Variants in SPATC1L observed in about 807,000 individuals in gnomAD.
SPATC1L encodes spermatogenesis and centriole associated 1 like, also known as speriolin-like protein.
In SPATC1L, 20 loss-of-function variants were observed where a neutral mutation model predicts 21.2. That is an observed-to-expected ratio of 0.94 (90% CI 0.66 to 1.37). The LOEUF is 1.37. Ranked by LOEUF, SPATC1L falls within the 40% of genes most tolerant of loss-of-function variation. The pLI is 0.00. For missense variants in SPATC1L, 499 were observed against 478.7 expected (o/e 1.04, Z -0.40); for synonymous variants, 290 against 234.5 (o/e 1.24, Z -2.16).
At chr21:46,180,002 CA>C (rs1303855040) in intron 2 of SPATC1L, among the ~76,000 whole-genome samples, 1 of 152,270 alleles carries the variant, frequency 6.6e-6, no homozygotes, top group Non-Finnish European at 1.5e-5. Flanking sequence ...AGGGACCGTT[CA>C]GAGAGCGTTT....
chr21:46,168,781 T>A, intron 2 of SPATC1L, 123 bp from the exon 3 acceptor site: 2 of 547,138 alleles, frequency 3.7e-6, no homozygotes, highest in Non-Finnish European at 2.8e-6. Flanking sequence ...CTGCCGGGGT[T>A]TCCCTGGCTT....
intron 3 of SPATC1L, among the ~76,000 whole-genome samples, chr21:46,167,055 T>C (rs953103137): frequency 6.6e-5 from 10 of 152,092 alleles, no homozygotes; most frequent in African/African-American, 2.4e-4. Context: ...ATCAAAAAAA[T>C]TGAAATTATA....
At chr21:46,175,753 G>C (rs930922823) in intron 2 of SPATC1L, among the ~76,000 whole-genome samples, 3 of 152,078 alleles carry the variant, frequency 2.0e-5, no homozygotes, top group Non-Finnish European at 2.9e-5. Flanking sequence ...TACCATTCCT[G>C]GTGAAACTAT....
intron 2 of SPATC1L, among the ~76,000 whole-genome samples, chr21:46,179,613 G>A (rs2079657151): frequency 6.6e-6 from 1 of 152,194 alleles, no homozygotes. Context: ...TCAGACGGAA[G>A]GAGTGACCAG....
intron 2 of SPATC1L, among the ~76,000 whole-genome samples, chr21:46,172,305 G>A (rs1411031966): frequency 6.6e-6 from 1 of 152,206 alleles, no homozygotes; most frequent in Non-Finnish European, 1.5e-5. Context: ...ACGAGGCGGT[G>A]GGGTGGAGAG....
intron 2 of SPATC1L, among the ~76,000 whole-genome samples, chr21:46,171,608 A>T (rs1467756016): frequency 6.6e-6 from 1 of 152,210 alleles, no homozygotes; most frequent in Non-Finnish European, 1.5e-5. Flanking sequence ...TTTTCAAATT[A>T]TAAAAGAATA....
Position 46,183,448 on chromosome 21 carries a change from G to A in SPATC1L, c.-632C>T, listed in dbSNP as rs538340113. ...CAGCCTGGTGGGGAGACCAGCTTGT[G>A]GGGGAGACCAGTCTGCGGGGGAGAC... On this transcript the variant is annotated 5_prime_UTR_variant, in exon 2 of 5. Transcript: ENST00000291672. 5.7e-6 allele frequency: 1 copy of A among 174,192 alleles called. No individual in the cohort carries two copies. The highest frequency in any genetic ancestry group is 6.5e-5 in the Admixed American group (1 of 15,310). 10.8% of individuals were successfully genotyped at this position (174,192 alleles called of 1,614,324 possible).
intron 2 of SPATC1L, among the ~76,000 whole-genome samples, chr21:46,178,037 C>A (rs904677749): frequency 6.6e-6 from 1 of 151,976 alleles, no homozygotes; most frequent in African/African-American, 2.4e-5. Flanking sequence ...AGTTCGAGAC[C>A]AGCCTGACCA....
At chr21:46,168,280 C>A (rs771347659) in intron 3 of SPATC1L, 28 bp downstream of exon 3, 2 of 1,517,294 alleles carry the variant, frequency 1.3e-6, no homozygotes, top group Admixed American at 1.9e-5. Flanking sequence ...CTGGGGGCCC[C>A]CCCAGGTGCC....
At chr21:46,165,079 A>G (rs571731089) in intron 3 of SPATC1L, among the ~76,000 whole-genome samples, 93 of 152,330 alleles carry the variant, frequency 6.1e-4, no homozygotes, top group African/African-American at 2.0e-3. Flanking sequence ...CTACAGACAT[A>G]AAAAGGATAA....
At chr21:46,178,232 C>CAAAAAAAA (rs59110880) in intron 2 of SPATC1L, among the ~76,000 whole-genome samples, 1 of 39,448 alleles carries the variant, frequency 2.5e-5, no homozygotes, top group African/African-American at 1.1e-4. Flanking sequence ...AACTCCATCT[C>CAAAAAAAA]AAAAAAAAAA....
Position 46,161,298 on chromosome 21 carries a change from G to T in SPATC1L, c.*81C>A. On this transcript the variant is annotated 3_prime_UTR_variant, in exon 5 of 5. Coordinates refer to ENST00000291672, the MANE Select transcript of SPATC1L (RefSeq NM_001142854.2). ...CGGGGGACGCGGCCCTTTCCCCTCC[G>T]GGGGGACGCGCAGGAGGCACCGCGG... The T allele has an allele frequency of 6.8e-6, 9 of 1,314,474 alleles. No homozygotes were observed. The highest frequency in any genetic ancestry group is 2.7e-5 in the East Asian group (1 of 37,014). 81.4% of individuals were successfully genotyped at this position (1,314,474 alleles called of 1,614,324 possible).
In SPATC1L at chr21:46,179,809, G is replaced by C. The variant is rs143958614; in HGVS notation, c.193+2815C>G. 3.1e-3 allele frequency among the ~76,000 whole-genome samples: 476 copies of C among 152,366 alleles called. 31 individuals are homozygous for C. In the South Asian group the frequency reaches 0.087, roughly 28 times the overall value. ...ACCAGGACAATCCCGAGGGAGACGAGATGGGGCAGCTGGGAGGGGAGGCAG... is the reference window on the plus strand; with the variant it reads ...ACCAGGACAATCCCGAGGGAGACGACATGGGGCAGCTGGGAGGGGAGGCAG... On this transcript the variant is annotated intron_variant, in intron 2 of 4. Coordinates refer to ENST00000291672, the MANE Select transcript of SPATC1L (RefSeq NM_001142854.2).
Position 46,161,237 on chromosome 21 carries a change from C to T in SPATC1L, c.*142G>A, listed in dbSNP as rs932613126. On this transcript the variant is annotated 3_prime_UTR_variant, in exon 5 of 5. Coordinates refer to ENST00000291672, the MANE Select transcript of SPATC1L (RefSeq NM_001142854.2). ...GCGGCGGGCTGCGGTCGGGGCCCAG[C>T]ACCGGTGGGAGCGGGGCCTTCTCTG... is the stretch of plus-strand genomic sequence containing the variant. 6.9e-6 allele frequency: 5 copies of T among 727,264 alleles called. No individual in the cohort carries two copies. The Admixed American group carries it at 1.2e-4, about 17-fold the overall frequency. 45.1% of individuals were successfully genotyped at this position (727,264 alleles called of 1,614,324 possible).
intron 2 of SPATC1L, among the ~76,000 whole-genome samples, chr21:46,172,689 T>C (rs914147913): frequency 6.6e-6 from 1 of 152,104 alleles, no homozygotes; most frequent in African/African-American, 2.4e-5. Flanking sequence ...TTCATGTGGA[T>C]TGGAAGGGCG....
chr21:46,180,616 C>T (rs2079665130), intron 2 of SPATC1L, among the ~76,000 whole-genome samples: 1 of 152,232 alleles, frequency 6.6e-6, no homozygotes, highest in Non-Finnish European at 1.5e-5. Flanking sequence ...CTGGTCTTCC[C>T]AACCCCAGTT....
chr21:46,182,504 G>T, intron 2 of SPATC1L, 120 bp downstream of exon 2: 1 of 900,538 alleles, frequency 1.1e-6, no homozygotes, highest in Non-Finnish European at 1.6e-6. Context: ...AGACCTGAGG[G>T]TGTGAAAGGT....
chr21:46,174,794 C>T (rs543200349), intron 2 of SPATC1L, among the ~76,000 whole-genome samples: 2 of 152,324 alleles, frequency 1.3e-5, no homozygotes, highest in South Asian at 2.1e-4. Flanking sequence ...ATGAACTCAG[C>T]ACCGGATCAA....
chr21:46,173,857 C>T (rs1311270461), intron 2 of SPATC1L, among the ~76,000 whole-genome samples: 1 of 152,178 alleles, frequency 6.6e-6, no homozygotes, highest in African/African-American at 2.4e-5. Context: ...CTCAGCCCCC[C>T]AGTGCAGTGG....
Sources: allele counts gnomAD v4.1 joint callset (sites outside exome capture counted in the v4.1 genomes callset), GRCh38; gene constraint gnomAD v4.1.1; transcripts MANE v1.5; gene names NCBI Gene and HGNC (gene_info 2026-07-23, HGNC 2026-07-21).